BMP5: variants seen among roughly 807,000 people sequenced by gnomAD.
BMP5 encodes bone morphogenetic protein 5.
BMP5 carries 23 observed loss-of-function variants against 46.6 expected under a neutral mutation model. The observed-to-expected ratio is 0.49, with a 90% confidence interval of 0.35 to 0.70. The LOEUF (loss-of-function observed/expected upper bound fraction) is 0.70, where lower values mean the gene tolerates loss of function less well. BMP5 is among the 30% of genes least tolerant of loss of function. BMP5 has a pLI of 0.00. For synonymous variants in BMP5, 204 were observed against 191.9 expected, an observed-to-expected ratio of 1.06 and a Z score of -0.52; for missense variants, 545 against 565.6, an observed-to-expected ratio of 0.96 and a Z score of 0.37.
At chr6:55,773,179 G>C (rs1775086999) in intron 4 of BMP5, among the ~76,000 whole-genome samples, 1 of 151,870 alleles carries the variant, frequency 6.6e-6, no homozygotes, top group Non-Finnish European at 1.5e-5. Context: ...CATTATCACA[G>C]AAGAATGCAT....
At chr6:55,817,263 G>A (rs1776296209) in intron 2 of BMP5, among the ~76,000 whole-genome samples, 1 of 152,090 alleles carries the variant, frequency 6.6e-6, no homozygotes, top group Non-Finnish European at 1.5e-5. Flanking sequence ...TATACCCAAA[G>A]GATTATAAAT....
chr6:55,835,727 A>C (rs992834124), intron 1 of BMP5, among the ~76,000 whole-genome samples: 1 of 152,200 alleles, frequency 6.6e-6, no homozygotes, highest in Non-Finnish European at 1.5e-5. Flanking sequence ...AATGCCAACT[A>C]TAGCCTACAT....
intron 3 of BMP5, among the ~76,000 whole-genome samples, chr6:55,784,839 T>C (rs1775408808): frequency 6.6e-6 from 1 of 151,880 alleles, no homozygotes; most frequent in Non-Finnish European, 1.5e-5. Context: ...AATACAATTA[T>C]TTTTCAGTTC....
chr6:55,820,444 G>T lies in BMP5; in HGVS notation c.491-597C>A, dbSNP rs187946740. On this transcript the variant is annotated intron_variant, in intron 1 of 6. Coordinates refer to ENST00000370830, the MANE Select transcript of BMP5 (RefSeq NM_021073.4). Reference sequence around the variant, plus strand: ...AAACATTTTTTTTTTCTTGAGAAAGGTCTCACTCCGTTGCCCAAGCTGGAG... The same window carrying T: ...AAACATTTTTTTTTTCTTGAGAAAGTTCTCACTCCGTTGCCCAAGCTGGAG... Among the ~76,000 whole-genome samples the T allele has an allele frequency of 7.0e-3, 1,060 of 151,630 alleles. 4 individuals are homozygous for T. Among genetic ancestry groups the T allele is most frequent in the Non-Finnish European group, 0.011 (717 of 67,920 alleles).
intron 1 of BMP5, among the ~76,000 whole-genome samples, chr6:55,824,880 C>T (rs560304473): frequency 1.2e-4 from 18 of 151,916 alleles, no homozygotes; most frequent in African/African-American, 3.9e-4. Context: ...ACTCTTCTCT[C>T]GTTGTCATTT....
intron 1 of BMP5, among the ~76,000 whole-genome samples, chr6:55,870,794 C>G (rs1215006534): frequency 2.0e-5 from 3 of 151,932 alleles, no homozygotes; most frequent in Non-Finnish European, 4.4e-5. Flanking sequence ...TTTTTGAAAG[C>G]GTTTTTCTTT....
At chr6:55,839,999 A>C (rs1430357450) in intron 1 of BMP5, among the ~76,000 whole-genome samples, 1 of 152,050 alleles carries the variant, frequency 6.6e-6, no homozygotes, top group Non-Finnish European at 1.5e-5. Context: ...CTCTGACTTT[A>C]CTTTTCTTAA....
intron 3 of BMP5, among the ~76,000 whole-genome samples, chr6:55,782,691 A>G (rs2127524700): frequency 6.6e-6 from 1 of 152,250 alleles, no homozygotes; most frequent in Non-Finnish European, 1.5e-5. Context: ...CTGGTACCTG[A>G]GAGTAATAAG....
intron 3 of BMP5, among the ~76,000 whole-genome samples, chr6:55,788,769 T>G (rs537047201): frequency 1.3e-5 from 2 of 152,024 alleles, no homozygotes; most frequent in East Asian, 3.9e-4. Context: ...GATTTTAATC[T>G]AATTTTCCTA....
At chr6:55,768,951 GATTAT>G (rs1774981657) in intron 4 of BMP5, among the ~76,000 whole-genome samples, 2 of 151,848 alleles carry the variant, frequency 1.3e-5, no homozygotes, top group South Asian at 4.1e-4. Flanking sequence ...TGTGTAATTG[GATTAT>G]ATCTTTAAAA....
At position 55,819,840 on chromosome 6, in the gene BMP5, T is replaced by G; in HGVS notation, c.498A>C (p.Arg166Ser). The change falls in exon 2 of 7, where the codon AGA becomes AGC. Residue 166 changes from arginine (R) to serine (S), a missense_variant. Arg to Ser is a moderately radical substitution (Grantham distance 110). Coordinates refer to ENST00000370830, the MANE Select transcript of BMP5 (RefSeq NM_021073.4). The part of the protein sequence containing the change: ...MVMSFVNLVE[R>S]DKDFSHQRRH... ...TTCGCTGGTGAGAAAAATCCTTGTCTCTTTCAACTGAAAAAATAAAGGGGG... is the reference window on the plus strand; with the variant it reads ...TTCGCTGGTGAGAAAAATCCTTGTCGCTTTCAACTGAAAAAATAAAGGGGG... 6.2e-7 allele frequency: 1 copy of G among 1,613,438 alleles called. No individual in the cohort carries two copies. Among genetic ancestry groups the G allele is most frequent in the Non-Finnish European group, 8.5e-7 (1 of 1,179,586 alleles).
chr6:55,755,900 C>A (rs1774581855), intron 6 of BMP5, among the ~76,000 whole-genome samples: 1 of 151,788 alleles, frequency 6.6e-6, no homozygotes. Flanking sequence ...TGTGTTTGAA[C>A]CTTGAAAAAT....
Position 55,874,448 on chromosome 6 carries a change from G to T in BMP5, c.418C>A (p.Pro140Thr). 1.2e-6 allele frequency: 2 copies of T among 1,613,330 alleles called. No homozygotes were observed. The highest frequency in any genetic ancestry group is 2.2e-5 in the South Asian group (2 of 91,054). Residue 140 changes from proline (P) to threonine (T), a missense_variant, in exon 1 of 7, where the codon CCT (proline) becomes ACT (threonine). Pro to Thr is a conservative substitution (Grantham distance 38). Coordinates refer to ENST00000370830, the MANE Select transcript of BMP5 (RefSeq NM_021073.4). ...SRTTPLTTQSPPLASLHDTNF... is the reference protein window; with the variant it reads ...SRTTPLTTQSTPLASLHDTNF... ...GTATCATGGAGGCTGGCTAGAGGAG[G>T]ACTCTGGGTGGTCAGAGGAGTCGTC...
chr6:55,782,238 C>T (rs773324283), intron 3 of BMP5, among the ~76,000 whole-genome samples: 30 of 152,046 alleles, frequency 2.0e-4, no homozygotes, highest in African/African-American at 4.1e-4. Context: ...CACATTGTAC[C>T]GCAAAAATAT....
intron 6 of BMP5, among the ~76,000 whole-genome samples, 169 bp downstream of exon 6, chr6:55,758,836 G>T (rs1215414700): frequency 6.6e-6 from 1 of 151,684 alleles, no homozygotes; most frequent in Non-Finnish European, 1.5e-5. Flanking sequence ...AAACCAGCCC[G>T]AGTTTCCTGA....
rs1336267913 is a variant in BMP5, at chr6:55,778,540, A to AAAAAC, written c.833-4302_833-4298dup. 4.6e-5 allele frequency among the ~76,000 whole-genome samples: 7 copies of AAAAAC among 152,076 alleles called. No individual in the cohort carries two copies. In the South Asian group the frequency reaches 1.0e-3, roughly 22 times the overall value. On this transcript the variant is annotated intron_variant, in intron 3 of 6. Transcript: ENST00000370830. Reference sequence around the variant, plus strand: ...ATAGATATTGTCTTTTTGTATTTACAAAAACAAAACAAAACAAAAAACAAA... The same window carrying AAAAAC: ...ATAGATATTGTCTTTTTGTATTTACAAAAACAAAACAAAACAAAACAAAAAACAAA...
chr6:55,808,752 G>A (rs112658376), intron 2 of BMP5, among the ~76,000 whole-genome samples: 100 of 152,244 alleles, frequency 6.6e-4, no homozygotes, highest in African/African-American at 2.3e-3. Context: ...GTGGGCCACC[G>A]CACCCCACTG....
chr6:55,780,031 C>T (rs1775270064), intron 3 of BMP5, among the ~76,000 whole-genome samples: 1 of 151,788 alleles, frequency 6.6e-6, no homozygotes, highest in Non-Finnish European at 1.5e-5. Flanking sequence ...GCGTACAATA[C>T]CTTGGCTGGA....
intron 1 of BMP5, among the ~76,000 whole-genome samples, chr6:55,830,564 C>T (rs1361150681): frequency 6.6e-6 from 1 of 151,988 alleles, no homozygotes; most frequent in East Asian, 1.9e-4. Flanking sequence ...TTATGTTAGA[C>T]CATCTTATTT....
Sources: allele counts gnomAD v4.1 joint callset (sites outside exome capture counted in the v4.1 genomes callset), GRCh38; gene constraint gnomAD v4.1.1; transcripts MANE v1.5; gene names NCBI Gene and HGNC (gene_info 2026-07-23, HGNC 2026-07-21).